The following NCKAP5 variants were observed in gnomAD, a reference collection of about 807,000 sequenced individuals.
NCKAP5 encodes NCK associated protein 5.
A neutral mutation model predicts 167.0 loss-of-function variants in NCKAP5; 92 were observed. That is an observed-to-expected ratio of 0.55 (90% CI 0.47 to 0.66). NCKAP5 has a LOEUF of 0.66. Among genes scored for constraint, NCKAP5 ranks in the 30% least tolerant of loss-of-function variants. The probability of loss-of-function intolerance (pLI) is 0.00; values close to 1 mark genes in which losing one functional copy is unlikely to be tolerated. For synonymous variants in NCKAP5, 891 were observed against 877.4 expected, an observed-to-expected ratio of 1.02 and a Z score of -0.27; for missense variants, 2,378 against 2,315.0, an observed-to-expected ratio of 1.03 and a Z score of -0.56.
intron 3 of NCKAP5, among the ~76,000 whole-genome samples, chr2:133,317,528 A>G (rs887945379): frequency 1.1e-4 from 16 of 152,130 alleles, no homozygotes; most frequent in African/African-American, 3.6e-4. Flanking sequence ...AGGCGTCACC[A>G]GGGCTGAATT....
chr2:133,040,669 T>G (rs2079186849), intron 6 of NCKAP5, among the ~76,000 whole-genome samples: 1 of 152,190 alleles, frequency 6.6e-6, no homozygotes, highest in African/African-American at 2.4e-5. Context: ...GGAAAAATAA[T>G]AATGTATCCA....
chr2:132,758,013 C>T (rs1244448298), intron 16 of NCKAP5, among the ~76,000 whole-genome samples: 2 of 152,212 alleles, frequency 1.3e-5, no homozygotes, highest in South Asian at 4.1e-4. Flanking sequence ...ACAAACTTCC[C>T]CCTTTCCTCC....
chr2:132,902,544 A>T (rs1377323017), intron 8 of NCKAP5, among the ~76,000 whole-genome samples: 1 of 152,252 alleles, frequency 6.6e-6, no homozygotes, highest in Non-Finnish European at 1.5e-5. Flanking sequence ...TGTAGAGTAC[A>T]TTAAAAGCTG....
intron 6 of NCKAP5, among the ~76,000 whole-genome samples, chr2:133,003,804 A>T (rs945833844): frequency 9.8e-5 from 15 of 152,340 alleles, no homozygotes; most frequent in Non-Finnish European, 2.1e-4. Context: ...ACAGATCGAA[A>T]GATGCTAGTC....
chr2:133,472,574 C>G (rs556615625), intron 3 of NCKAP5, among the ~76,000 whole-genome samples: 1 of 152,150 alleles, frequency 6.6e-6, no homozygotes, highest in East Asian at 1.9e-4. Flanking sequence ...TCTCTTCGGC[C>G]CTTAGTAAGC....
intron 8 of NCKAP5, among the ~76,000 whole-genome samples, chr2:132,944,643 T>C (rs1697560058): frequency 6.6e-6 from 1 of 152,240 alleles, no homozygotes; most frequent in Non-Finnish European, 1.5e-5. Context: ...GGGAGTTTCC[T>C]GTCACTAGGG....
the NCKAP5 span, among the ~76,000 whole-genome samples, chr2:133,670,142 C>T: frequency 6.6e-6 from 1 of 152,188 alleles, no homozygotes; most frequent in African/African-American, 2.4e-5. Context: ...CTTGGGGAAG[C>T]CACTTTACTA....
At chr2:132,877,188 G>A (rs1226603060) in intron 9 of NCKAP5, among the ~76,000 whole-genome samples, 1 of 152,158 alleles carries the variant, frequency 6.6e-6, no homozygotes, top group African/African-American at 2.4e-5. Flanking sequence ...ACTAGACTCT[G>A]AGCCATGTCA....
chr2:132,829,357 A>C (rs1260623794), intron 11 of NCKAP5, among the ~76,000 whole-genome samples: 1 of 152,122 alleles, frequency 6.6e-6, no homozygotes, highest in Non-Finnish European at 1.5e-5. Flanking sequence ...ATGATTCCTA[A>C]AAAGCCCCAC....
At chr2:132,804,783 C>G (rs971672391) in intron 11 of NCKAP5, among the ~76,000 whole-genome samples, 2 of 152,050 alleles carry the variant, frequency 1.3e-5, no homozygotes, top group Non-Finnish European at 2.9e-5. Context: ...AGATGAAGAA[C>G]CCAAGATGAC....
At chr2:132,973,525 C>G (rs565660969) in intron 7 of NCKAP5, among the ~76,000 whole-genome samples, 4 of 152,152 alleles carry the variant, frequency 2.6e-5, no homozygotes, top group Admixed American at 1.3e-4. Flanking sequence ...GGTCTCTTCT[C>G]ACTTTAAATT....
At chr2:133,145,339 G>T (rs566763506) in intron 5 of NCKAP5, among the ~76,000 whole-genome samples, 3 of 151,832 alleles carry the variant, frequency 2.0e-5, no homozygotes, top group Non-Finnish European at 4.4e-5. Context: ...GGGGCCTGTC[G>T]GGAAGTAGGG....
the NCKAP5 span, among the ~76,000 whole-genome samples, chr2:133,598,062 G>T: frequency 6.6e-6 from 1 of 152,182 alleles, no homozygotes; most frequent in African/African-American, 2.4e-5. Flanking sequence ...ATTGTAAATT[G>T]GAATGTCTGC....
intron 4 of NCKAP5, among the ~76,000 whole-genome samples, chr2:133,270,718 G>T (rs1401992052): frequency 6.6e-6 from 1 of 152,066 alleles, no homozygotes; most frequent in Non-Finnish European, 1.5e-5. Context: ...CTTGCATAGG[G>T]TGTAACCTTT....
the NCKAP5 span, among the ~76,000 whole-genome samples, chr2:133,643,907 C>A: frequency 1.3e-5 from 2 of 152,164 alleles, no homozygotes; most frequent in African/African-American, 4.8e-5. Context: ...CCCAATTCCC[C>A]CGCCCTGCCT....
At chr2:133,153,436 T>C (rs983899669) in intron 5 of NCKAP5, among the ~76,000 whole-genome samples, 1 of 152,172 alleles carries the variant, frequency 6.6e-6, no homozygotes, top group African/African-American at 2.4e-5. Context: ...TTCTGCTTAA[T>C]TTTTCTGTAA....
chr2:133,536,747 C>T (rs906416030), intron 2 of NCKAP5, among the ~76,000 whole-genome samples: 3 of 151,878 alleles, frequency 2.0e-5, no homozygotes, highest in African/African-American at 7.2e-5. Flanking sequence ...ATATTTTCTC[C>T]TATTTCATGG....
At chr2:132,922,531 C>T (rs1301509803) in intron 8 of NCKAP5, among the ~76,000 whole-genome samples, 1 of 152,172 alleles carries the variant, frequency 6.6e-6, no homozygotes, top group African/African-American at 2.4e-5. Flanking sequence ...CTGGCTGTTC[C>T]TTCTCTCTCT....
intron 3 of NCKAP5, among the ~76,000 whole-genome samples, chr2:133,459,573 C>A (rs775807197): frequency 6.6e-6 from 1 of 152,108 alleles, no homozygotes; most frequent in Non-Finnish European, 1.5e-5. Flanking sequence ...AAGAATACCA[C>A]ATGAAGGATT....
Sources: gnomAD v4.1 joint callset for allele counts (sites outside exome capture counted in the v4.1 genomes callset) on GRCh38, gnomAD v4.1.1 for gene constraint, MANE v1.5 for transcripts, NCBI Gene and HGNC (gene_info 2026-07-23, HGNC 2026-07-21) for gene names.